Variants in GPR161 observed in about 807,000 individuals in gnomAD.
The protein encoded by GPR161 is G-protein coupled receptor RE2.
Under a neutral mutation model 39.2 loss-of-function variants are expected in GPR161, and 25 were observed. The ratio of observed to expected loss-of-function variants is 0.64; its 90% CI spans 0.47 to 0.89. The LOEUF is 0.89. Among genes scored for constraint, GPR161 ranks in the 40% least tolerant of loss-of-function variants. GPR161 has a pLI of 0.00. For missense variants in GPR161, 547 were observed against 677.8 expected, an observed-to-expected ratio of 0.81 and a Z score of 2.14; for synonymous variants, 286 against 276.6, an observed-to-expected ratio of 1.03 and a Z score of -0.34.
At chr1:168,091,559 G>T (rs2102117561) in intron 3 of GPR161, among the ~76,000 whole-genome samples, 1 of 152,234 alleles carries the variant, frequency 6.6e-6, no homozygotes, top group African/African-American at 2.4e-5. Flanking sequence ...CACCACCCAG[G>T]GCTTCCCTGT....
intron 3 of GPR161, among the ~76,000 whole-genome samples, chr1:168,094,390 T>G (rs1031218293): frequency 6.6e-6 from 1 of 152,200 alleles, no homozygotes; most frequent in African/African-American, 2.4e-5. Flanking sequence ...TGTGAAAATG[T>G]GGGCTTGCAA....
At chr1:168,114,827 C>T (rs565472854) in intron 1 of GPR161, among the ~76,000 whole-genome samples, 26 of 152,106 alleles carry the variant, frequency 1.7e-4, no homozygotes, top group Middle Eastern at 6.3e-3. Flanking sequence ...GGGAAATGAC[C>T]CTTCATTTAT....
intron 1 of GPR161, among the ~76,000 whole-genome samples, chr1:168,106,741 T>A (rs970045130): frequency 2.0e-5 from 3 of 152,240 alleles, no homozygotes; most frequent in African/African-American, 7.2e-5. Context: ...GTACAAAACA[T>A]TATTTCTACT....
rs527728502 is a variant in GPR161, at chr1:168,097,054, C to G, written c.553G>C (p.Glu185Gln). The change falls in exon 3 of 6, where the codon GAG becomes CAG. Residue 185 changes from glutamate to glutamine, a missense_variant. Glu to Gln is a conservative substitution (Grantham distance 29). Transcript: ENST00000682931. ...KWMCVAAWHR[E>Q]PGYTAFWQIW... is the part of the protein sequence containing the mutation. The stretch of plus-strand genomic sequence containing the variant: ...TGCCAGAAGGCCGTGTAGCCAGGCT[C>G]CCGGTGCCAAGCAGCCACACACATC... The G allele has an allele frequency of 6.2e-6, 10 of 1,614,042 alleles. No homozygotes were observed. In the African/African-American group the frequency reaches 1.1e-4, roughly 17 times the overall value.
chr1:168,135,336 GGTT>G (rs1170834115), intron 1 of GPR161, among the ~76,000 whole-genome samples: 2 of 152,224 alleles, frequency 1.3e-5, no homozygotes, highest in African/African-American at 4.8e-5. Context: ...AGCTTCACAA[GGTT>G]GTTGTGTGAA....
chr1:168,124,895 G>A (rs1198357202), intron 1 of GPR161, among the ~76,000 whole-genome samples: 2 of 152,222 alleles, frequency 1.3e-5, no homozygotes, highest in East Asian at 1.9e-4. Context: ...TTTTGCCATG[G>A]GAGCCCTCAC....
intron 1 of GPR161, among the ~76,000 whole-genome samples, chr1:168,123,289 C>A (rs1414190637): frequency 1.3e-5 from 2 of 152,014 alleles, no homozygotes; most frequent in South Asian, 2.1e-4. Context: ...CTACTAAAAA[C>A]CAAAGAAAGA....
At chr1:168,128,563 T>C (rs189944595) in intron 1 of GPR161, among the ~76,000 whole-genome samples, 1 of 152,166 alleles carries the variant, frequency 6.6e-6, no homozygotes, top group East Asian at 1.9e-4. Context: ...AATAAACAGA[T>C]CAAGAAAAAT....
rs1259763582 is a variant in GPR161 at position 168,096,746 on chromosome 1, C to T, written c.861G>A (p.Met287Ile). The T allele has an allele frequency of 6.2e-7, 1 of 1,613,956 alleles. No homozygotes were observed. The highest frequency in any genetic ancestry group is 1.7e-5 in the Admixed American group (1 of 59,996). Residue 287 changes from methionine (M) to isoleucine (I), a missense_variant, in exon 3 of 6, where the codon ATG becomes ATA. Physicochemically the swap from Met to Ile is conservative, Grantham distance 10. Transcript: ENST00000682931. The part of the protein sequence containing the change: ...GAFMVTWGPY[M>I]VVIASEALWG... ...AGAGGGCCTCAGAGGCGATGACAACCATGTAGGGGCCCCAGGTGACCATGA... is the reference window on the plus strand; with the variant it reads ...AGAGGGCCTCAGAGGCGATGACAACTATGTAGGGGCCCCAGGTGACCATGA...
intron 2 of GPR161, among the ~76,000 whole-genome samples, chr1:168,102,538 T>C (rs1397957772): frequency 6.6e-6 from 1 of 152,172 alleles, no homozygotes; most frequent in Non-Finnish European, 1.5e-5. Flanking sequence ...AATAAGGCCC[T>C]GAAAGAGGTA....
At position 168,085,343 on chromosome 1, in the gene GPR161, C is replaced by T; in HGVS notation, c.*188G>A. 1.6e-6 allele frequency: 1 copy of T among 608,102 alleles called. No homozygotes were observed. 37.7% of individuals were successfully genotyped at this position (608,102 alleles called of 1,614,324 possible). A position where few individuals can be genotyped will look rare whatever the true frequency, so the allele number is the denominator to read the frequency against. On this transcript the variant is annotated 3_prime_UTR_variant, in exon 6 of 6. Transcript: ENST00000682931. ...AGCTCACATGTGGTCTCTGGAAATG[C>T]TGAAGCTGTGGACTGTAGACATTAT...
rs1695738176 is a variant in GPR161 at position 168,098,224 on chromosome 1, T to C, written c.375-992A>G. The stretch of plus-strand genomic sequence containing the variant: ...GCACCAGCTCAGCAGGGAGGCTGCA[T>C]GGAGCTCCACCTGGCAGGAGAGAGA... On this transcript the variant is annotated intron_variant, in intron 2 of 5. Transcript: ENST00000682931. The surrounding 1 kb of genome is among the most constrained non-coding windows in gnomAD (Gnocchi z 4.1). Among the ~76,000 whole-genome samples the C allele has an allele frequency of 6.6e-6, 1 of 152,212 alleles. No homozygotes were observed.
Position 168,085,771 on chromosome 1 carries a change from A to T in GPR161, c.1350T>A (p.His450Gln). Residue 450 changes from histidine (H) to glutamine (Q), a missense_variant, in exon 6 of 6, where the codon CAT becomes CAA. Coordinates refer to ENST00000682931, the MANE Select transcript of GPR161 (RefSeq NM_001375883.1). Reference sequence around the variant, plus strand: ...AGGACTTGTGTACTTCAGCTTTCACATGAAGAATCGAGTTCTTGGCAGCTT... The same window carrying T: ...AGGACTTGTGTACTTCAGCTTTCACTTGAAGAATCGAGTTCTTGGCAGCTT... ...IKEAAKNSIL[H>Q]VKAEVHKSLD... 2 of 1,613,292 alleles carry T rather than the reference A, an allele frequency of 1.2e-6. No homozygotes were observed. The highest frequency in any genetic ancestry group is 2.2e-5 in the South Asian group (2 of 91,076).
rs371221095 is a variant in GPR161, at chr1:168,122,662, C to G, written c.-45+14077G>C. On this transcript the variant is annotated intron_variant, in intron 1 of 5. Coordinates refer to ENST00000682931, the MANE Select transcript of GPR161 (RefSeq NM_001375883.1). ...TAGCCTCCTCACTATTTCTGAAACC[C>G]ATCAAGCATGCTTCCAGCTCAGGGG... is the stretch of plus-strand genomic sequence containing the variant. Among the ~76,000 whole-genome samples the G allele has an allele frequency of 6.1e-4, 93 of 152,290 alleles. 1 individual carries two copies. In the South Asian group the frequency reaches 0.018, roughly 29 times the overall value.
At position 168,114,753 on chromosome 1, in the gene GPR161, T is replaced by C. The variant is rs575874779; in HGVS notation, c.-44-9859A>G. Among the ~76,000 whole-genome samples the C allele has an allele frequency of 2.6e-5, 4 of 152,344 alleles. No individual in the cohort carries two copies. The South Asian group carries it at 8.3e-4, about 32-fold the overall frequency. On this transcript the variant is annotated intron_variant, in intron 1 of 5. Coordinates refer to ENST00000682931, the MANE Select transcript of GPR161 (RefSeq NM_001375883.1). ...ATAAAGTGCCTGGAGCAGCATCTGG[T>C]GCACAGTAACATTTCACTGCAAGCC...
intron 1 of GPR161, among the ~76,000 whole-genome samples, chr1:168,128,478 C>T (rs147976086): frequency 5.3e-5 from 8 of 152,068 alleles, no homozygotes; most frequent in African/African-American, 1.7e-4. Flanking sequence ...TCAGTAGTGC[C>T]GAGGTTGAGA....
intron 3 of GPR161, among the ~76,000 whole-genome samples, chr1:168,093,432 G>C (rs568733880): frequency 6.6e-6 from 1 of 152,226 alleles, no homozygotes; most frequent in Non-Finnish European, 1.5e-5. Flanking sequence ...AACTGCCCAG[G>C]AGACTCCTGA....
chr1:168,090,512 G>C (rs773309046), intron 4 of GPR161, 52 bp downstream of exon 4: 1 of 1,072,126 alleles, frequency 9.3e-7, no homozygotes, highest in Non-Finnish European at 1.4e-6. Flanking sequence ...CGGGGGAAAC[G>C]CAACACAGGG....
At chr1:168,136,194 C>G (rs942629584) in intron 1 of GPR161, 7 of 1,277,190 alleles carry the variant, frequency 5.5e-6, no homozygotes, top group Non-Finnish European at 6.9e-6. Context: ...GGCGCGCCAC[C>G]CGCCGCCCGC....
Sources: gnomAD v4.1 joint callset for allele counts (sites outside exome capture counted in the v4.1 genomes callset) on GRCh38, gnomAD v4.1.1 for gene constraint, Gnocchi (gnomAD v3.1) non-coding constraint, MANE v1.5 for transcripts, NCBI Gene and HGNC (gene_info 2026-07-23, HGNC 2026-07-21) for gene names.